The following ERBB4 variants were observed in gnomAD, a reference collection of about 807,000 sequenced individuals.
ERBB4 encodes the protein erb-b2 receptor tyrosine kinase 4.
In ERBB4, 42 loss-of-function variants were observed where a neutral mutation model predicts 158.0. The ratio of observed to expected loss-of-function variants is 0.27; its 90% confidence interval spans 0.21 to 0.34. The LOEUF (loss-of-function observed/expected upper bound fraction) is 0.34, where lower values mean the gene tolerates loss of function less well. Among genes scored for constraint, ERBB4 ranks in the 10% least tolerant of loss-of-function variants. The pLI is 1.00. For synonymous variants in ERBB4, 583 were observed against 558.7 expected (o/e 1.04, Z -0.61); for missense variants, 1,333 against 1,624.1 (o/e 0.82, Z 3.08).
At chr2:211,891,629 GA>G in intron 3 of ERBB4, among the ~76,000 whole-genome samples, 1 of 104,516 alleles carries the variant, frequency 9.6e-6, no homozygotes, top group African/African-American at 4.3e-5. Context: ...CTGGTTTTTT[GA>G]AAGGATCAAC....
intron 7 of ERBB4, 100 bp downstream of exon 7, chr2:211,722,293 A>G: frequency 2.0e-6 from 2 of 987,928 alleles, no homozygotes; most frequent in Non-Finnish European, 3.2e-6. Flanking sequence ...AAGTACTTAT[A>G]ATATTCTTAC....
intron 20 of ERBB4, among the ~76,000 whole-genome samples, chr2:211,438,778 A>G (rs2063909918): frequency 6.6e-6 from 1 of 152,100 alleles, no homozygotes; most frequent in African/African-American, 2.4e-5. Context: ...GTCCTGAGCC[A>G]GCAGGGAGTT....
chr2:211,610,952 C>A (rs1271457684), intron 19 of ERBB4, among the ~76,000 whole-genome samples: 2 of 152,026 alleles, frequency 1.3e-5, no homozygotes, highest in Admixed American at 1.3e-4. Flanking sequence ...TTAGGTACTT[C>A]AATGGAGAAA....
intron 19 of ERBB4, among the ~76,000 whole-genome samples, chr2:211,610,615 A>G (rs1201328174): frequency 2.0e-5 from 3 of 152,164 alleles, no homozygotes; most frequent in Non-Finnish European, 4.4e-5. Context: ...TCAGATTGGA[A>G]TAAGAAATTG....
At chr2:212,183,136 A>C (rs2125694108) in intron 1 of ERBB4, among the ~76,000 whole-genome samples, 1 of 151,996 alleles carries the variant, frequency 6.6e-6, no homozygotes, top group African/African-American at 2.4e-5. Flanking sequence ...TTTAAAATAA[A>C]TGTATGTATA....
At chr2:212,072,064 T>C (rs1559441749) in intron 2 of ERBB4, among the ~76,000 whole-genome samples, 1 of 151,990 alleles carries the variant, frequency 6.6e-6, no homozygotes, top group Non-Finnish European at 1.5e-5. Flanking sequence ...CAAGGCTATA[T>C]TTTAATTATT....
At chr2:212,044,403 C>A (rs1346956515) in intron 2 of ERBB4, among the ~76,000 whole-genome samples, 1 of 152,134 alleles carries the variant, frequency 6.6e-6, no homozygotes, top group East Asian at 1.9e-4. Flanking sequence ...GATATTTCTG[C>A]CGCCTTTTGG....
intron 3 of ERBB4, among the ~76,000 whole-genome samples, chr2:211,803,009 C>T (rs541985285): frequency 6.6e-6 from 1 of 152,302 alleles, no homozygotes; most frequent in South Asian, 2.1e-4. Flanking sequence ...AAAAAGTTGG[C>T]ACATTTTCAA....
At chr2:211,865,442 T>C (rs2078180301) in intron 3 of ERBB4, among the ~76,000 whole-genome samples, 1 of 152,150 alleles carries the variant, frequency 6.6e-6, no homozygotes, top group African/African-American at 2.4e-5. Flanking sequence ...TGATATTCTG[T>C]GATATTCCTC....
intron 1 of ERBB4, among the ~76,000 whole-genome samples, chr2:212,472,994 T>C (rs1403115206): frequency 6.6e-6 from 1 of 151,620 alleles, no homozygotes; most frequent in Non-Finnish European, 1.5e-5. Flanking sequence ...AAGCTGCTGT[T>C]CATGCTAATT....
chr2:211,455,506 G>A (rs2064359146), intron 20 of ERBB4, among the ~76,000 whole-genome samples: 1 of 151,926 alleles, frequency 6.6e-6, no homozygotes, highest in Non-Finnish European at 1.5e-5. Flanking sequence ...TTAGAACAAG[G>A]GGAAAAAAGG....
chr2:212,139,948 T>A (rs939775679), intron 1 of ERBB4, among the ~76,000 whole-genome samples: 3 of 151,882 alleles, frequency 2.0e-5, no homozygotes, highest in African/African-American at 7.2e-5. Flanking sequence ...ATTATAGAAT[T>A]CAAGTTTCTA....
chr2:211,668,172 A>G (rs571263624), intron 14 of ERBB4, among the ~76,000 whole-genome samples: 1 of 152,362 alleles, frequency 6.6e-6, no homozygotes, highest in South Asian at 2.1e-4. Context: ...AGGGTACAGT[A>G]AAGGCAGATA....
At chr2:212,437,401 T>C (rs564997994) in intron 1 of ERBB4, among the ~76,000 whole-genome samples, 21 of 151,994 alleles carry the variant, frequency 1.4e-4, no homozygotes, top group African/African-American at 5.1e-4. Context: ...AATTTTTGAG[T>C]TCTAAAGAGC....
At chr2:211,582,005 A>G (rs1559319316) in intron 19 of ERBB4, among the ~76,000 whole-genome samples, 4 of 151,792 alleles carry the variant, frequency 2.6e-5, no homozygotes, top group African/African-American at 7.3e-5. Context: ...GTGAGACTCC[A>G]TCTCAAAAAA....
chr2:211,839,057 TAA>T (rs1340185068), intron 3 of ERBB4, among the ~76,000 whole-genome samples: 2 of 151,736 alleles, frequency 1.3e-5, no homozygotes, highest in Non-Finnish European at 2.9e-5. Context: ...TGCATGGAGT[TAA>T]AGATTCCTTT....
intron 12 of ERBB4, among the ~76,000 whole-genome samples, chr2:211,698,609 T>C (rs11695614): frequency 0.42 from 63,909 of 151,354 alleles, 13,747 homozygotes; most frequent in South Asian, 0.48. Context: ...AAAATAAAAA[T>C]ATTTTTATTT....
intron 1 of ERBB4, among the ~76,000 whole-genome samples, chr2:212,191,703 GTGTTATACATGTTACATATAA>G (rs2082224705): frequency 7.9e-5 from 3 of 38,130 alleles, no homozygotes; most frequent in Non-Finnish European, 2.4e-4. Flanking sequence ...CATATAACAC[GTGTTATACATGTTACATATAA>G]CACGTGTTAT....
intron 1 of ERBB4, among the ~76,000 whole-genome samples, chr2:212,442,284 T>C (rs189078883): frequency 3.3e-5 from 5 of 152,222 alleles, no homozygotes; most frequent in African/African-American, 1.2e-4. Flanking sequence ...TCATGGCCCC[T>C]CAACAAATTT....
Sources: gnomAD v4.1 joint callset for allele counts (sites outside exome capture counted in the v4.1 genomes callset) on GRCh38, gnomAD v4.1.1 for gene constraint, MANE v1.5 for transcripts, NCBI Gene and HGNC (gene_info 2026-07-23, HGNC 2026-07-21) for gene names.